The following SPAG16 variants were observed in gnomAD, a reference collection of about 807,000 sequenced individuals.
SPAG16 encodes sperm associated antigen 16.
A neutral mutation model predicts 80.4 loss-of-function variants in SPAG16; 86 were observed. That is an observed-to-expected ratio of 1.07 (90% CI 0.90 to 1.28). SPAG16 has a LOEUF of 1.28. Among genes scored for constraint, SPAG16 ranks in the 50% most tolerant of loss-of-function variants. The pLI, the probability that SPAG16 is intolerant of heterozygous loss-of-function variation, is 0.00. For synonymous variants in SPAG16, 294 were observed against 265.9 expected (o/e 1.11, Z -1.03); for missense variants, 870 against 765.3 (o/e 1.14, Z -1.61).
intron 12 of SPAG16, among the ~76,000 whole-genome samples, chr2:213,965,833 C>T (rs570270905): frequency 2.6e-5 from 4 of 152,284 alleles, no homozygotes; most frequent in Non-Finnish European, 2.9e-5. Context: ...CACTACTTCT[C>T]CGAAGAACAG....
chr2:214,130,370 A>G (rs1242662110), intron 14 of SPAG16, among the ~76,000 whole-genome samples: 1 of 152,182 alleles, frequency 6.6e-6, no homozygotes. Context: ...GGCTGTGGCC[A>G]CCTGGTTCTG....
chr2:213,865,938 A>ATG (rs1328025525), intron 11 of SPAG16, among the ~76,000 whole-genome samples: 9 of 148,172 alleles, frequency 6.1e-5, no homozygotes, highest in African/African-American at 2.0e-4. Context: ...TATATATACT[A>ATG]TATATATATG....
intron 15 of SPAG16, among the ~76,000 whole-genome samples, chr2:214,187,464 C>A (rs1251247971): frequency 6.6e-6 from 1 of 152,030 alleles, no homozygotes; most frequent in African/African-American, 2.4e-5. Context: ...ATTCATCTAC[C>A]CATTAATTCA....
At chr2:213,917,261 T>G (rs942120529) in intron 11 of SPAG16, among the ~76,000 whole-genome samples, 1 of 152,210 alleles carries the variant, frequency 6.6e-6, no homozygotes, top group Non-Finnish European at 1.5e-5. Context: ...CTATTTGGGC[T>G]CTTTTTTTGG....
intron 11 of SPAG16, among the ~76,000 whole-genome samples, chr2:213,914,939 A>C (rs549950910): frequency 6.6e-6 from 1 of 152,132 alleles, no homozygotes; most frequent in African/African-American, 2.4e-5. Context: ...GTAGTGTATT[A>C]GCCTATTCTC....
intron 9 of SPAG16, among the ~76,000 whole-genome samples, chr2:213,392,318 C>T (rs77614612): frequency 0.024 from 3,626 of 152,252 alleles, 61 homozygotes; most frequent in African/African-American, 0.039. Context: ...ATTATTATTA[C>T]TTTTTGCCTA....
At chr2:213,677,248 T>A (rs111251128) in intron 10 of SPAG16, among the ~76,000 whole-genome samples, 2 of 151,094 alleles carry the variant, frequency 1.3e-5, no homozygotes, top group African/African-American at 4.9e-5. Context: ...TAATGACAGG[T>A]TCAAATTCAC....
chr2:213,340,191 C>A lies in SPAG16; in HGVS notation c.565C>A (p.Gln189Lys). ...DKAREDLLKI[Q>K]KERDFHRMHH... is the part of the protein sequence containing the mutation. ...AGCTAGAGAAGATTTGCTGAAAATT[C>A]AGAAAGAACGTGATTTTCATCGAAT... Residue 189 changes from glutamine to lysine, a missense_variant, in exon 6 of 16, where the codon CAG (glutamine) becomes AAG (lysine). Transcript: ENST00000331683. 1 of 1,608,532 alleles carries A rather than the reference C, an allele frequency of 6.2e-7. No individual in the cohort carries two copies. The highest frequency in any genetic ancestry group is 8.5e-7 in the Non-Finnish European group (1 of 1,177,842).
chr2:214,278,833 A>G (rs529228528), intron 15 of SPAG16, among the ~76,000 whole-genome samples: 1 of 152,318 alleles, frequency 6.6e-6, no homozygotes, highest in Non-Finnish European at 1.5e-5. Flanking sequence ...TTATACCTAC[A>G]TTTGAAACTT....
intron 12 of SPAG16, among the ~76,000 whole-genome samples, chr2:213,976,155 C>CAT (rs1491496784): frequency 1.4e-5 from 2 of 141,660 alleles, no homozygotes; most frequent in African/African-American, 2.6e-5. Context: ...CACACACACA[C>CAT]GTATGTATAT....
intron 10 of SPAG16, among the ~76,000 whole-genome samples, chr2:213,688,104 G>C (rs536313792): frequency 6.6e-6 from 1 of 152,118 alleles, no homozygotes; most frequent in African/African-American, 2.4e-5. Context: ...TTTGAACTTG[G>C]GGGGAGGATT....
At chr2:214,038,645 A>T (rs1289953249) in intron 13 of SPAG16, among the ~76,000 whole-genome samples, 1 of 151,926 alleles carries the variant, frequency 6.6e-6, no homozygotes, top group Non-Finnish European at 1.5e-5. Flanking sequence ...GCACCCAGTA[A>T]CTGGTCATTT....
At position 213,587,696 on chromosome 2, in the gene SPAG16, G is replaced by A. The variant is rs767896688; in HGVS notation, c.1070+97606G>A. ...GGCTGAGAATTTTCCAATTTTTAAA[G>A]TGTTGCTTTCCTTCAGATTAAAATA... On this transcript the variant is annotated intron_variant, in intron 10 of 15. Coordinates refer to ENST00000331683, the MANE Select transcript of SPAG16 (RefSeq NM_024532.5). 4.0e-5 allele frequency among the ~76,000 whole-genome samples: 6 copies of A among 150,896 alleles called. No individual in the cohort carries two copies. The South Asian group carries it at 6.2e-4, about 16-fold the overall frequency.
intron 10 of SPAG16, among the ~76,000 whole-genome samples, chr2:213,732,333 C>G (rs1185905908): frequency 2.8e-5 from 2 of 72,404 alleles, no homozygotes; most frequent in African/African-American, 8.3e-5. Flanking sequence ...CACGATTGCC[C>G]CCCCCGCAAA....
chr2:214,154,491 G>T (rs925607372), intron 15 of SPAG16, among the ~76,000 whole-genome samples: 1 of 116,492 alleles, frequency 8.6e-6, no homozygotes. Context: ...AATGCAAAAA[G>T]TATCAGACCC....
At chr2:213,719,637 A>G (rs990946235) in intron 10 of SPAG16, among the ~76,000 whole-genome samples, 8 of 152,184 alleles carry the variant, frequency 5.3e-5, no homozygotes, top group African/African-American at 1.9e-4. Flanking sequence ...TCTGGACACA[A>G]TACCATCTCA....
chr2:214,020,371 TA>T (rs2047802338), intron 13 of SPAG16, among the ~76,000 whole-genome samples: 1 of 152,102 alleles, frequency 6.6e-6, no homozygotes, highest in Non-Finnish European at 1.5e-5. Context: ...ACACCTGAAA[TA>T]AAAATAATGA....
chr2:213,880,948 A>G (rs965559720), intron 11 of SPAG16, among the ~76,000 whole-genome samples: 47 of 151,918 alleles, frequency 3.1e-4, no homozygotes, highest in African/African-American at 1.1e-3. Flanking sequence ...ATGACCTGTT[A>G]AGGCTCTTTT....
At chr2:213,353,932 G>A (rs2065480166) in intron 7 of SPAG16, among the ~76,000 whole-genome samples, 1 of 152,108 alleles carries the variant, frequency 6.6e-6, no homozygotes, top group Non-Finnish European at 1.5e-5. Flanking sequence ...GGGTACATGT[G>A]CACAACGTAC....
Sources: allele counts gnomAD v4.1 joint callset (sites outside exome capture counted in the v4.1 genomes callset), GRCh38; gene constraint gnomAD v4.1.1; transcripts MANE v1.5; gene names NCBI Gene and HGNC (gene_info 2026-07-23, HGNC 2026-07-21).